The following ARL17B variants were observed in gnomAD, a reference collection of about 807,000 sequenced individuals.
ARL17B encodes the protein ADP-ribosylation factor-like protein 17.
chr17:46,288,489 G>C (rs545387215), intron 4 of ARL17B, among the ~76,000 whole-genome samples: 19 of 151,788 alleles, frequency 1.3e-4, no homozygotes, highest in Non-Finnish European at 2.4e-4. Flanking sequence ...TTGCATTTTT[G>C]GTTGTGCCAC....
chr17:46,280,917 C>T (rs1486866095), intron 4 of ARL17B, among the ~76,000 whole-genome samples: 3 of 152,158 alleles, frequency 2.0e-5, no homozygotes, highest in Non-Finnish European at 4.4e-5. Flanking sequence ...AGAAAGGGTA[C>T]CCTGAGTCCT....
intron 4 of ARL17B, among the ~76,000 whole-genome samples, chr17:46,287,458 C>G (rs1406220721): frequency 2.0e-5 from 3 of 152,232 alleles, no homozygotes; most frequent in Non-Finnish European, 4.4e-5. Flanking sequence ...AGAAGTTACA[C>G]TACAAGGACC....
At chr17:46,280,173 G>T (rs187293441) in intron 4 of ARL17B, among the ~76,000 whole-genome samples, 267 of 152,080 alleles carry the variant, frequency 1.8e-3, no homozygotes, top group Middle Eastern at 3.4e-3. Flanking sequence ...AGACCAGCTT[G>T]GCCAACATGG....
chr17:46,285,169 T>G (rs1273246875), intron 4 of ARL17B, among the ~76,000 whole-genome samples: 1 of 152,000 alleles, frequency 6.6e-6, no homozygotes, highest in Non-Finnish European at 1.5e-5. Context: ...ACACTGGCCT[T>G]CTGTGTCTTC....
chr17:46,316,602 T>A, intron 3 of ARL17B, among the ~76,000 whole-genome samples: 1 of 73,390 alleles, frequency 1.4e-5, no homozygotes, highest in Admixed American at 1.4e-4. Context: ...TGCCCAGTTT[T>A]TTTTGTTTTT....
At chr17:46,323,958 A>C (rs2051553385) in intron 3 of ARL17B, among the ~76,000 whole-genome samples, 1 of 101,660 alleles carries the variant, frequency 9.8e-6, no homozygotes, top group African/African-American at 3.2e-5. Flanking sequence ...TACAAACATT[A>C]TGTCATTTCA....
chr17:46,290,792 G>A (rs1319917158), intron 4 of ARL17B, among the ~76,000 whole-genome samples: 1 of 152,214 alleles, frequency 6.6e-6, no homozygotes, highest in East Asian at 1.9e-4. Context: ...ACTTCATATA[G>A]ATGTCTATGA....
In ARL17B at chr17:46,286,102, C is replaced by T. The variant is rs9303529; in HGVS notation, c.*22-10684G>A. Reference sequence around the variant, plus strand: ...TGGCCAATAAAAAATCTGCAAGATCCGAAATGGAAATGTGAGTTCAAAACA... The same window carrying T: ...TGGCCAATAAAAAATCTGCAAGATCTGAAATGGAAATGTGAGTTCAAAACA... On this transcript the variant is annotated intron_variant, in intron 4 of 4. Coordinates refer to the ARL17B transcript ENST00000570618. Among the ~76,000 whole-genome samples, 7 of 152,284 alleles carry T rather than the reference C, an allele frequency of 4.6e-5. 1 individual carries two copies. Among genetic ancestry groups the T allele is most frequent in the East Asian group, 1.9e-4 (1 of 5,190 alleles).
chr17:46,348,709 CTGAG>C (rs1416876327), intron 3 of ARL17B, among the ~76,000 whole-genome samples: 1 of 119,854 alleles, frequency 8.3e-6, no homozygotes, highest in Non-Finnish European at 1.7e-5. Context: ...AATGGACACT[CTGAG>C]TATCAAAAAA....
chr17:46,304,840 G>C (rs948448444), intron 3 of ARL17B, among the ~76,000 whole-genome samples: 2 of 59,296 alleles, frequency 3.4e-5, no homozygotes, highest in African/African-American at 7.6e-5. Flanking sequence ...CCTAAACTAA[G>C]AAGGTGTAGA....
Position 46,276,790 on chromosome 17 carries a change from CTTTTTTT to C in ARL17B, c.*22-1379_*22-1373del, listed in dbSNP as rs75549659. On this transcript the variant is annotated intron_variant, in intron 4 of 4. Transcript: ENST00000570618. ...TGCATTGTAATTTTTTTCTTTTTTT[CTTTTTTT>C]TTTTTTTTTTGATTTGTTTGTTTTG... Among the ~76,000 whole-genome samples the C allele has an allele frequency of 6.7e-5, 9 of 134,316 alleles. No individual in the cohort carries two copies. The South Asian group carries it at 6.9e-4, about 10-fold the overall frequency. The allele number at this position is 134,316 out of a possible 152,430, so 88.1% of individuals were successfully genotyped here. A position where few individuals can be genotyped will look rare whatever the true frequency, so the allele number is the denominator to read the frequency against.
At chr17:46,287,917 T>C (rs2049962225) in intron 4 of ARL17B, among the ~76,000 whole-genome samples, 1 of 152,234 alleles carries the variant, frequency 6.6e-6, no homozygotes, top group East Asian at 1.9e-4. Flanking sequence ...ATACAGTGTG[T>C]CTACAAGTGT....
At chr17:46,302,430 A>AGT (rs1322626785) in intron 3 of ARL17B, among the ~76,000 whole-genome samples, 1 of 70,648 alleles carries the variant, frequency 1.4e-5, no homozygotes, top group African/African-American at 3.5e-5. Context: ...GGTGTGCTTG[A>AGT]GTGTGTGTGT....
chr17:46,291,417 A>T (rs2050062969), intron 4 of ARL17B, among the ~76,000 whole-genome samples: 2 of 152,144 alleles, frequency 1.3e-5, no homozygotes, highest in South Asian at 4.1e-4. Flanking sequence ...ATGCAGAAGG[A>T]GGAAGTGGTG....
At chr17:46,285,103 A>G (rs1330900613) in intron 4 of ARL17B, among the ~76,000 whole-genome samples, 3 of 152,168 alleles carry the variant, frequency 2.0e-5, no homozygotes, top group Non-Finnish European at 4.4e-5. Context: ...TAATTGACTC[A>G]AGTGATCCTC....
At chr17:46,282,166 A>G (rs77744380) in intron 4 of ARL17B, among the ~76,000 whole-genome samples, 2 of 134,224 alleles carry the variant, frequency 1.5e-5, no homozygotes, top group African/African-American at 2.5e-5. Context: ...GCAGTGGCGC[A>G]ATCTCGGCTC....
intron 4 of ARL17B, among the ~76,000 whole-genome samples, chr17:46,285,483 G>T (rs1367227813): frequency 6.6e-6 from 1 of 151,818 alleles, no homozygotes; most frequent in Non-Finnish European, 1.5e-5. Flanking sequence ...CTCATGATTT[G>T]CCCACCTCAG....
At chr17:46,284,591 G>T (rs1299913140) in intron 4 of ARL17B, among the ~76,000 whole-genome samples, 1 of 152,216 alleles carries the variant, frequency 6.6e-6, no homozygotes, top group African/African-American at 2.4e-5. Flanking sequence ...AGTGTGGGGG[G>T]TGGAACACAA....
chr17:46,276,290 GATAA>G (rs1449241920), intron 4 of ARL17B, among the ~76,000 whole-genome samples: 5 of 152,244 alleles, frequency 3.3e-5, no homozygotes, highest in African/African-American at 1.2e-4. Context: ...TGCAATAGCA[GATAA>G]ATACAGTATT....
Sources: gnomAD v4.1 joint callset for allele counts (sites outside exome capture counted in the v4.1 genomes callset) on GRCh38, gnomAD v4.1.1 for gene constraint, MANE v1.5 for transcripts, NCBI Gene and HGNC (gene_info 2026-07-23, HGNC 2026-07-21) for gene names.